Variants in ZNF407 observed in about 807,000 individuals in gnomAD.
ZNF407 encodes zinc finger protein 407.
In ZNF407, 17 loss-of-function variants were observed where a neutral mutation model predicts 131.2. The ratio of observed to expected loss-of-function variants is 0.13; its 90% CI spans 0.09 to 0.19. The LOEUF (loss-of-function observed/expected upper bound fraction) is 0.19, where lower values mean the gene tolerates loss of function less well. ZNF407 is among the 10% of genes least tolerant of loss of function. The pLI, the probability that ZNF407 is intolerant of heterozygous loss-of-function variation, is 1.00. For synonymous variants in ZNF407, 1,156 were observed against 1,062.0 expected, an observed-to-expected ratio of 1.09 and a Z score of -1.72; for missense variants, 2,681 against 2,830.6, an observed-to-expected ratio of 0.95 and a Z score of 1.20.
At chr18:74,909,832 A>G (rs947491107) in intron 7 of ZNF407, among the ~76,000 whole-genome samples, 5 of 152,142 alleles carry the variant, frequency 3.3e-5, no homozygotes, top group African/African-American at 4.8e-5. Flanking sequence ...AAGTCTATCT[A>G]TGTTTGACTT....
At chr18:74,996,552 T>C (rs570182211) in intron 8 of ZNF407, among the ~76,000 whole-genome samples, 9 of 152,352 alleles carry the variant, frequency 5.9e-5, no homozygotes, top group African/African-American at 2.2e-4. Flanking sequence ...GATTTCGTTA[T>C]TCAACCTTTG....
intron 4 of ZNF407, among the ~76,000 whole-genome samples, chr18:74,851,371 C>A (rs1457850108): frequency 6.6e-6 from 1 of 152,008 alleles, no homozygotes; most frequent in Admixed American, 6.5e-5. Flanking sequence ...GGCAGTATTC[C>A]CTGATATAAA....
rs766340325 is a variant in ZNF407, at chr18:75,063,771, A to G, written c.6050A>G (p.Lys2017Arg). The change falls in exon 9 of 9, where the codon AAA becomes AGA. Residue 2017 changes from lysine (K) to arginine (R), a missense_variant. Physicochemically the swap from Lys to Arg is conservative, Grantham distance 26. This residue lies in a region of ZNF407 where 620 missense variants were observed against 583.1 expected (regional missense o/e 1.06). Transcript: ENST00000299687. This position sits in a 1 kb window ranked among gnomAD's most constrained non-coding sequence, Gnocchi z 6.6. ...GLEEQGRPGA[K>R]DVLIQLPGQE... The stretch of plus-strand genomic sequence containing the variant: ...GAGGAGCAAGGCAGGCCCGGCGCCA[A>G]AGACGTGCTGATCCAGCTGCCCGGG... 7 of 1,610,680 alleles carry G rather than the reference A, an allele frequency of 4.3e-6. No individual in the cohort carries two copies. In the East Asian group the frequency reaches 1.6e-4, roughly 36 times the overall value.
At chr18:74,621,590 C>T (rs1983512781) in intron 1 of ZNF407, among the ~76,000 whole-genome samples, 1 of 152,126 alleles carries the variant, frequency 6.6e-6, no homozygotes, top group African/African-American at 2.4e-5. Context: ...TTAAATGTCC[C>T]TGCTACATGG....
chr18:74,797,881 C>T (rs1188392760), intron 4 of ZNF407, among the ~76,000 whole-genome samples: 1 of 150,570 alleles, frequency 6.6e-6, no homozygotes, highest in Non-Finnish European at 1.5e-5. Flanking sequence ...TTACAACTAT[C>T]ATATTAATGG....
intron 8 of ZNF407, among the ~76,000 whole-genome samples, chr18:75,044,406 C>T (rs1599309395): frequency 6.6e-6 from 1 of 151,326 alleles, no homozygotes; most frequent in East Asian, 1.9e-4. Flanking sequence ...TAGAACTAGA[C>T]TCCTTGGCGG....
At chr18:75,047,154 A>C (rs1973444508) in intron 8 of ZNF407, among the ~76,000 whole-genome samples, 1 of 152,196 alleles carries the variant, frequency 6.6e-6, no homozygotes. Flanking sequence ...TACAGGAATC[A>C]GTTTTTTGCT....
At position 74,633,331 on chromosome 18, in the gene ZNF407, T is replaced by G; in HGVS notation, c.2312T>G (p.Phe771Cys). Residue 771 changes from phenylalanine to cysteine, a missense_variant, in exon 2 of 9, where the codon TTT becomes TGT. Transcript: ENST00000299687. ...NAKKNNIGLS[F>C]EECIERVCIG... ...AAGAAAAATAATATTGGCTTAAGCT[T>G]TGAAGAATGTATTGAAAGGGTATGT... 5 of 1,613,344 alleles carry G rather than the reference T, an allele frequency of 3.1e-6. No homozygotes were observed. Among genetic ancestry groups the G allele is most frequent in the Non-Finnish European group, 4.2e-6 (5 of 1,179,774 alleles).
At chr18:75,054,204 C>G (rs1384465299) in intron 8 of ZNF407, among the ~76,000 whole-genome samples, 2 of 152,248 alleles carry the variant, frequency 1.3e-5, no homozygotes, top group East Asian at 3.8e-4. Context: ...TGGCTATGAG[C>G]AGATGTTAGA....
chr18:74,727,932 G>A (rs1968198179), intron 3 of ZNF407, among the ~76,000 whole-genome samples: 2 of 152,192 alleles, frequency 1.3e-5, no homozygotes, highest in African/African-American at 4.8e-5. Context: ...AAGACAACAG[G>A]TGGAGATGCC....
intron 3 of ZNF407, among the ~76,000 whole-genome samples, chr18:74,715,808 A>T (rs1158995050): frequency 1.3e-5 from 2 of 152,232 alleles, no homozygotes; most frequent in Non-Finnish European, 2.9e-5. Flanking sequence ...AGCTCTAAAA[A>T]AATCAATGTT....
intron 4 of ZNF407, among the ~76,000 whole-genome samples, chr18:74,807,554 A>G (rs945453894): frequency 6.6e-6 from 1 of 152,182 alleles, no homozygotes; most frequent in Non-Finnish European, 1.5e-5. Context: ...GAGTATTTTC[A>G]TCCTAAGTAC....
At chr18:74,779,109 A>ATATATTT (rs397943457) in intron 3 of ZNF407, among the ~76,000 whole-genome samples, 5 of 24,376 alleles carry the variant, frequency 2.1e-4, no homozygotes, top group African/African-American at 6.9e-4. Flanking sequence ...ATATATATAT[A>ATATATTT]TTTTTTTTTT....
At chr18:74,670,056 G>A (rs892752569) in intron 3 of ZNF407, among the ~76,000 whole-genome samples, 1 of 152,158 alleles carries the variant, frequency 6.6e-6, no homozygotes, top group African/African-American at 2.4e-5. Flanking sequence ...CTGACATGTA[G>A]TCTTTATTCT....
At chr18:74,986,515 C>T (rs1210685876) in intron 8 of ZNF407, among the ~76,000 whole-genome samples, 1 of 152,136 alleles carries the variant, frequency 6.6e-6, no homozygotes, top group African/African-American at 2.4e-5. Flanking sequence ...AAAGTCTAAC[C>T]ATTTCAGCCA....
At chr18:74,888,419 C>T (rs181616695) in intron 6 of ZNF407, among the ~76,000 whole-genome samples, 29 of 152,172 alleles carry the variant, frequency 1.9e-4, no homozygotes, top group African/African-American at 6.3e-4. Flanking sequence ...ATAATTTCTA[C>T]ATCAAATCAA....
chr18:74,603,035 A>G (rs1347109124), intron 1 of ZNF407, among the ~76,000 whole-genome samples: 1 of 152,164 alleles, frequency 6.6e-6, no homozygotes, highest in African/African-American at 2.4e-5. Flanking sequence ...ATCATGGGGC[A>G]GTGTAGCATT....
chr18:74,929,094 C>T (rs1462800700), intron 8 of ZNF407, among the ~76,000 whole-genome samples: 4 of 152,156 alleles, frequency 2.6e-5, no homozygotes, highest in Admixed American at 1.3e-4. Flanking sequence ...CTCTCAGGCT[C>T]CCGGCTCACT....
At chr18:74,803,336 C>G (rs764927) in intron 4 of ZNF407, among the ~76,000 whole-genome samples, 26,191 of 152,120 alleles carry the variant, frequency 0.17, 2,604 homozygotes, top group Non-Finnish European at 0.23. Flanking sequence ...GTTGGTCCAG[C>G]CCTCTGGTTC....
Sources: gnomAD v4.1 joint callset for allele counts (sites outside exome capture counted in the v4.1 genomes callset) on GRCh38, gnomAD v4.1.1 for gene constraint, gnomAD v4.1.1 regional missense constraint, Gnocchi (gnomAD v3.1) non-coding constraint, MANE v1.5 for transcripts, NCBI Gene and HGNC (gene_info 2026-07-23, HGNC 2026-07-21) for gene names.